Variants in SLC24A2 observed in about 807,000 individuals in gnomAD.
SLC24A2 encodes the protein solute carrier family 24 member 2, also known as sodium/potassium/calcium exchanger 2.
SLC24A2 carries 36 observed loss-of-function variants against 62.0 expected under a neutral mutation model. That is an observed-to-expected ratio of 0.58 (90% CI 0.44 to 0.77). SLC24A2 has a LOEUF of 0.77. SLC24A2 is among the 30% of genes least tolerant of loss of function. The probability of loss-of-function intolerance (pLI) is 0.00; values close to 1 mark genes in which losing one functional copy is unlikely to be tolerated. For missense variants in SLC24A2, 846 were observed against 817.9 expected (o/e 1.03, Z -0.42); for synonymous variants, 358 against 294.0 (o/e 1.22, Z -2.23).
chr9:20,238,174 G>T, the SLC24A2 span, among the ~76,000 whole-genome samples: 1 of 152,164 alleles, frequency 6.6e-6, no homozygotes, highest in African/African-American at 2.4e-5. Flanking sequence ...CCTGACACCT[G>T]CCAAGTACTT....
intron 2 of SLC24A2, among the ~76,000 whole-genome samples, chr9:19,629,045 A>G (rs1310297460): frequency 6.6e-6 from 1 of 152,122 alleles, no homozygotes; most frequent in Non-Finnish European, 1.5e-5. Flanking sequence ...GCCAAGTGTT[A>G]TATATATAAT....
the SLC24A2 span, among the ~76,000 whole-genome samples, chr9:20,278,784 A>G: frequency 6.6e-6 from 1 of 152,142 alleles, no homozygotes; most frequent in African/African-American, 2.4e-5. Context: ...GCCCAGTTCC[A>G]AAGTCACTTT....
At chr9:19,774,395 G>A (rs746229541) in intron 2 of SLC24A2, among the ~76,000 whole-genome samples, 16 of 152,122 alleles carry the variant, frequency 1.1e-4, no homozygotes, top group Non-Finnish European at 2.2e-4. Context: ...TCTGTCCTAG[G>A]CCTAAATAAT....
rs562687472 is a variant in SLC24A2 at position 19,701,962 on chromosome 9, A to G, written c.931-79663T>C. Among the ~76,000 whole-genome samples, 67 of 152,342 alleles carry G rather than the reference A, an allele frequency of 4.4e-4. 1 individual carries two copies. In the South Asian group the frequency reaches 0.014, roughly 31 times the overall value. On this transcript the variant is annotated intron_variant, in intron 2 of 10. Coordinates refer to ENST00000341998, the MANE Select transcript of SLC24A2 (RefSeq NM_020344.4). ...AGTAGCCTACCGTGGATGGAAAACG[A>G]TAACAAAGTTACAAGGTACATAGAG...
intron 2 of SLC24A2, among the ~76,000 whole-genome samples, chr9:19,722,973 G>C (rs1184867893): frequency 2.0e-5 from 3 of 152,058 alleles, no homozygotes; most frequent in African/African-American, 7.2e-5. Flanking sequence ...ACCTCTGAAA[G>C]TAATGAAATT....
chr9:19,698,108 A>T (rs770839571), intron 2 of SLC24A2, among the ~76,000 whole-genome samples: 8 of 152,168 alleles, frequency 5.3e-5, no homozygotes, highest in Non-Finnish European at 8.8e-5. Context: ...TAAGGTGGAG[A>T]TGCTAATACA....
the SLC24A2 span, among the ~76,000 whole-genome samples, chr9:20,286,031 C>T: frequency 6.6e-6 from 1 of 152,206 alleles, no homozygotes; most frequent in Non-Finnish European, 1.5e-5. Context: ...CCTGAGCAGA[C>T]TAACACAGTC....
chr9:19,864,434 T>C, the SLC24A2 span, among the ~76,000 whole-genome samples: 1 of 151,924 alleles, frequency 6.6e-6, no homozygotes, highest in African/African-American at 2.4e-5. Context: ...CGAATATTGA[T>C]GCAAACACTC....
intron 8 of SLC24A2, among the ~76,000 whole-genome samples, chr9:19,543,424 T>C (rs1469150178): frequency 6.6e-6 from 1 of 151,632 alleles, no homozygotes; most frequent in African/African-American, 2.4e-5. Context: ...TTCATGTCTC[T>C]ATCTCCTTCA....
At chr9:19,564,527 C>CCTAT (rs950324327) in intron 7 of SLC24A2, among the ~76,000 whole-genome samples, 2 of 120,092 alleles carry the variant, frequency 1.7e-5, no homozygotes, top group African/African-American at 5.5e-5. Flanking sequence ...TATCTACCTA[C>CCTAT]CTATCTCTCT....
At chr9:19,972,769 A>G in the SLC24A2 span, among the ~76,000 whole-genome samples, 1 of 152,258 alleles carries the variant, frequency 6.6e-6, no homozygotes, top group African/African-American at 2.4e-5. Context: ...TTTAAGAAAT[A>G]CAATTTGGGA....
At chr9:20,112,549 T>G in the SLC24A2 span, among the ~76,000 whole-genome samples, 2 of 152,270 alleles carry the variant, frequency 1.3e-5, no homozygotes, top group South Asian at 4.1e-4. Context: ...GGAAAAATGT[T>G]TGATTTATAG....
At chr9:19,604,174 C>A (rs900606908) in intron 4 of SLC24A2, among the ~76,000 whole-genome samples, 2 of 152,196 alleles carry the variant, frequency 1.3e-5, no homozygotes, top group Non-Finnish European at 2.9e-5. Context: ...GGTACTGACA[C>A]CTATGATTCT....
the SLC24A2 span, among the ~76,000 whole-genome samples, chr9:19,973,802 G>T: frequency 1.3e-5 from 2 of 152,122 alleles, no homozygotes; most frequent in Non-Finnish European, 2.9e-5. Flanking sequence ...TTAACTAAAA[G>T]GTTGTTTAAA....
At chr9:19,806,331 G>T in the SLC24A2 span, among the ~76,000 whole-genome samples, 1 of 152,296 alleles carries the variant, frequency 6.6e-6, no homozygotes, top group East Asian at 1.9e-4. Context: ...ATGATTAGTT[G>T]TAGAGTTTAT....
chr9:19,851,444 G>A, the SLC24A2 span, among the ~76,000 whole-genome samples: 7 of 152,112 alleles, frequency 4.6e-5, no homozygotes, highest in East Asian at 1.2e-3. Flanking sequence ...CATCACCTAG[G>A]TATTACTAGT....
At chr9:19,864,653 T>C in the SLC24A2 span, among the ~76,000 whole-genome samples, 1 of 149,736 alleles carries the variant, frequency 6.7e-6, no homozygotes, top group Admixed American at 6.6e-5. Context: ...CATGATAAAA[T>C]CTCTCAAAAA....
At chr9:19,723,867 T>C (rs1821098148) in intron 2 of SLC24A2, among the ~76,000 whole-genome samples, 1 of 152,088 alleles carries the variant, frequency 6.6e-6, no homozygotes, top group African/African-American at 2.4e-5. Context: ...GGACAAACAT[T>C]TTTTGAGAGT....
chr9:19,521,745 G>A (rs1833209720), intron 9 of SLC24A2, among the ~76,000 whole-genome samples: 1 of 151,940 alleles, frequency 6.6e-6, no homozygotes, highest in South Asian at 2.1e-4. Context: ...CATAAACTGG[G>A]GATAATAATA....
Sources: allele counts gnomAD v4.1 joint callset (sites outside exome capture counted in the v4.1 genomes callset), GRCh38; gene constraint gnomAD v4.1.1; transcripts MANE v1.5; gene names NCBI Gene and HGNC (gene_info 2026-07-23, HGNC 2026-07-21).